PDE6A: variants seen among roughly 807,000 people sequenced by gnomAD.
The protein encoded by PDE6A is rod cGMP-specific 3',5'-cyclic phosphodiesterase subunit alpha.
In PDE6A, 84 loss-of-function variants were observed where a neutral mutation model predicts 106.3. That is an observed-to-expected ratio of 0.79 (90% CI 0.66 to 0.95). The LOEUF (loss-of-function observed/expected upper bound fraction) is 0.95. Among genes scored for constraint, PDE6A ranks in the 40% least tolerant of loss-of-function variants. PDE6A has a pLI of 0.00. For missense variants in PDE6A, 1,052 were observed against 1,084.9 expected, an observed-to-expected ratio of 0.97 and a Z score of 0.43; for synonymous variants, 394 against 386.6, an observed-to-expected ratio of 1.02 and a Z score of -0.23.
chr5:149,932,803 G>C (rs1754080414), intron 3 of PDE6A: 1 of 772,480 alleles, frequency 1.3e-6, no homozygotes, highest in Admixed American at 2.6e-5. Context: ...GTGCTGGATT[G>C]AGAGACACTT....
chr5:149,904,481 G>T (rs1365851781), intron 7 of PDE6A, among the ~76,000 whole-genome samples: 1 of 152,128 alleles, frequency 6.6e-6, no homozygotes, highest in Non-Finnish European at 1.5e-5. Flanking sequence ...GTTGTGTAAT[G>T]TGTGAACTGC....
rs1019743532 is a variant in PDE6A, at chr5:149,863,515, A to G, written c.2359-249T>C. ...CCCCTTACTATGGCTTTCAAACTCC[A>G]TGACCCAGTGTCCTCCTGCCCTTGA... On this transcript the variant is annotated intron_variant, in intron 20 of 21. Transcript: ENST00000255266. This position sits in a 1 kb window ranked among gnomAD's most constrained non-coding sequence, Gnocchi z 4.7. Among the ~76,000 whole-genome samples the G allele has an allele frequency of 3.9e-5, 6 of 152,186 alleles. No homozygotes were observed. Among genetic ancestry groups the G allele is most frequent in the Non-Finnish European group, 8.8e-5 (6 of 68,032 alleles).
chr5:149,861,157 TAGC>T (rs575824334), intron 21 of PDE6A, among the ~76,000 whole-genome samples, 186 bp from the exon 22 acceptor site: 22 of 152,182 alleles, frequency 1.4e-4, no homozygotes, highest in African/African-American at 4.3e-4. Context: ...CTAAGAAAAA[TAGC>T]AGCACGAGGA....
rs777289634 is a variant in PDE6A, at chr5:149,884,763, C to T, written c.1926+17G>A. The T allele has an allele frequency of 3.1e-6, 5 of 1,610,472 alleles. No homozygotes were observed. The highest frequency in any genetic ancestry group is 4.2e-6 in the Non-Finnish European group (5 of 1,176,738). On this transcript the variant is annotated intron_variant, in intron 15 of 21. Transcript: ENST00000255266. ...ATCCAGGCCCCGCGGCCTGTAGACCCTTGGCCCTCATCCTACCTCGTCTCT... is the reference window on the plus strand; with the variant it reads ...ATCCAGGCCCCGCGGCCTGTAGACCTTTGGCCCTCATCCTACCTCGTCTCT...
chr5:149,866,148 G>A, intron 20 of PDE6A, 22 bp downstream of exon 20: 1 of 1,570,566 alleles, frequency 6.4e-7, no homozygotes, highest in Non-Finnish European at 8.8e-7. Context: ...TCTTGTTGCG[G>A]CTGAGGAAGC....
intron 6 of PDE6A, among the ~76,000 whole-genome samples, chr5:149,912,844 C>T (rs552660494): frequency 4.6e-5 from 7 of 152,120 alleles, no homozygotes; most frequent in South Asian, 2.1e-4. Flanking sequence ...AAACCTAAAA[C>T]GAGAAACATA....
At chr5:149,892,996 T>C (rs1487371831) in intron 13 of PDE6A, among the ~76,000 whole-genome samples, 2 of 152,232 alleles carry the variant, frequency 1.3e-5, no homozygotes, top group East Asian at 1.9e-4. Context: ...GGAAGGTGTA[T>C]GCCCCTGGTA....
At chr5:149,861,599 A>G (rs1034695518) in intron 21 of PDE6A, among the ~76,000 whole-genome samples, 1 of 152,150 alleles carries the variant, frequency 6.6e-6, no homozygotes, top group African/African-American at 2.4e-5. Flanking sequence ...GCAGTGAGCT[A>G]TGATCGTGCC....
At chr5:149,919,941 T>TCCATCC (rs200500153) in intron 5 of PDE6A, among the ~76,000 whole-genome samples, 12,096 of 152,230 alleles carry the variant, frequency 0.079, 509 homozygotes, top group South Asian at 0.14. Context: ...TCGGGAACAT[T>TCCATCC]AATTGGTTGG....
chr5:149,934,807 G>C (rs1296731263), intron 1 of PDE6A, 89 bp from the exon 2 acceptor site: 6 of 1,307,512 alleles, frequency 4.6e-6, no homozygotes, highest in South Asian at 3.6e-5. Context: ...AGGGAATAAA[G>C]GTGCTTCCAT....
intron 13 of PDE6A, among the ~76,000 whole-genome samples, chr5:149,887,284 G>C (rs1010607510): frequency 7.5e-4 from 114 of 152,166 alleles, no homozygotes; most frequent in Non-Finnish European, 1.1e-3. Flanking sequence ...GTTATGTTAA[G>C]TGAAATATGC....
chr5:149,904,116 G>A (rs766100849), intron 7 of PDE6A, among the ~76,000 whole-genome samples: 5 of 152,236 alleles, frequency 3.3e-5, no homozygotes, highest in South Asian at 2.1e-4. Context: ...CAGTGGTGGC[G>A]TGCGCCTGTA....
intron 6 of PDE6A, among the ~76,000 whole-genome samples, chr5:149,911,146 G>T (rs1348886539): frequency 3.3e-5 from 5 of 151,980 alleles, no homozygotes; most frequent in African/African-American, 1.2e-4. Context: ...CTCCCAAAGT[G>T]CTGGGTTTAT....
intron 17 of PDE6A, among the ~76,000 whole-genome samples, chr5:149,875,290 T>C (rs1760698124): frequency 1.3e-5 from 2 of 152,036 alleles, no homozygotes; most frequent in African/African-American, 4.8e-5. Context: ...CACAGCAGGG[T>C]TGCCAGCCCC....
rs554525045 is a variant in PDE6A at position 149,900,128 on chromosome 5, C to T, written c.1114-604G>A. On this transcript the variant is annotated intron_variant, in intron 8 of 21. Transcript: ENST00000255266. Reference sequence around the variant, plus strand: ...CAGCATTTTGGGAAGTCGAGGCAGGCGGATCACTTGATGTCAGGAGTTTGA... The same window carrying T: ...CAGCATTTTGGGAAGTCGAGGCAGGTGGATCACTTGATGTCAGGAGTTTGA... 2.3e-3 allele frequency among the ~76,000 whole-genome samples: 354 copies of T among 151,782 alleles called. 6 individuals are homozygous for T. Among genetic ancestry groups the T allele is most frequent in the Non-Finnish European group, 9.1e-4 (62 of 67,938 alleles).
At chr5:149,920,996 A>AAGAAAAAG (rs1554091222) in intron 5 of PDE6A, among the ~76,000 whole-genome samples, 1 of 91,552 alleles carries the variant, frequency 1.1e-5, no homozygotes, top group Non-Finnish European at 2.8e-5. Flanking sequence ...GAAAGAAAGA[A>AAGAAAAAG]AAAGAAAGAA....
intron 1 of PDE6A, among the ~76,000 whole-genome samples, chr5:149,936,187 A>AAGGAAGGAAGGT (rs1754178736): frequency 6.6e-6 from 1 of 151,798 alleles, no homozygotes; most frequent in Non-Finnish European, 1.5e-5. Context: ...GGAAGGAAGG[A>AAGGAAGGAAGGT]AGGAAGGAAG....
intron 17 of PDE6A, among the ~76,000 whole-genome samples, chr5:149,879,673 G>C (rs1025739489): frequency 1.4e-5 from 2 of 147,262 alleles, no homozygotes; most frequent in East Asian, 4.0e-4. Context: ...AGAATATGTG[G>C]TGTTTGGTTT....
chr5:149,906,261 C>T (rs1371983428), intron 7 of PDE6A, among the ~76,000 whole-genome samples: 1 of 151,688 alleles, frequency 6.6e-6, no homozygotes, highest in East Asian at 1.9e-4. Flanking sequence ...CATGGTGGTT[C>T]ACGCCTATAA....
Sources: gnomAD v4.1 joint callset for allele counts (sites outside exome capture counted in the v4.1 genomes callset) on GRCh38, gnomAD v4.1.1 for gene constraint, Gnocchi (gnomAD v3.1) non-coding constraint, MANE v1.5 for transcripts, NCBI Gene and HGNC (gene_info 2026-07-23, HGNC 2026-07-21) for gene names.